Variants in RAD21 observed in about 807,000 individuals in gnomAD.
The protein encoded by RAD21 is RAD21 cohesin complex component.
In RAD21, 18 loss-of-function variants were observed where a neutral mutation model predicts 71.5. The ratio of observed to expected loss-of-function variants is 0.25; its 90% CI spans 0.17 to 0.37. The LOEUF is 0.37. Ranked by LOEUF, RAD21 falls within the 10% of genes least tolerant of loss-of-function variation. The pLI is 1.00. For synonymous variants in RAD21, 248 were observed against 254.0 expected (o/e 0.98, Z 0.22); for missense variants, 493 against 769.1 (o/e 0.64, Z 4.25).
At position 116,848,955 on chromosome 8, in the gene RAD21, A is replaced by C. The variant is rs749146705; in HGVS notation, c.1695T>G (p.His565Gln). ...RWNKRTQQML[H>Q]GLQRALAKTG... ...ACAACAGCGGCAATACCTGAAGACC[A>C]TGAAGCATCTGCTGAGTCCTTTTGT... Residue 565 changes from histidine to glutamine, a missense_variant, in exon 13 of 14, where the codon CAT becomes CAG. Coordinates refer to ENST00000297338, the MANE Select transcript of RAD21 (RefSeq NM_006265.3). 1 of 1,608,746 alleles carries C rather than the reference A, an allele frequency of 6.2e-7. No homozygotes were observed. The highest frequency in any genetic ancestry group is 1.1e-5 in the South Asian group (1 of 90,280).
At chr8:116,870,106 C>T (rs769487456) in intron 1 of RAD21, among the ~76,000 whole-genome samples, 8 of 152,148 alleles carry the variant, frequency 5.3e-5, no homozygotes, top group Admixed American at 1.3e-4. Context: ...AATTCTCATT[C>T]TCTGAATCTA....
intron 1 of RAD21, among the ~76,000 whole-genome samples, chr8:116,872,950 G>A (rs894895489): frequency 5.3e-5 from 8 of 152,268 alleles, no homozygotes; most frequent in African/African-American, 1.9e-4. Flanking sequence ...TTGTAACGGT[G>A]AATAAGTTAC....
rs35902828 is a variant in RAD21 at position 116,856,292 on chromosome 8, TAAAAAAAAAAAAA to T, written c.815-17_815-5del. ...TCAGGACTATCAGGCCCACCCACTG[TAAAAAAAAAAAAA>T]AAAAAAAAAAGTCACAAAAAGCTTT... On this transcript the variant is annotated splice_polypyrimidine_tract_variant and splice_region_variant and intron_variant, in intron 7 of 13. Coordinates refer to ENST00000297338, the MANE Select transcript of RAD21 (RefSeq NM_006265.3). 1.8e-4 allele frequency: 208 copies of T among 1,175,592 alleles called. No individual in the cohort carries two copies. Among genetic ancestry groups the T allele is most frequent in the Non-Finnish European group, 2.1e-4 (203 of 952,826 alleles). 72.8% of individuals were successfully genotyped at this position (1,175,592 alleles called of 1,614,324 possible). A position where few individuals can be genotyped will look rare whatever the true frequency, so the allele number is the denominator to read the frequency against.
At chr8:116,861,770 T>C in intron 4 of RAD21, 71 bp downstream of exon 4, 3 of 1,087,994 alleles carry the variant, frequency 2.8e-6, no homozygotes, top group Non-Finnish European at 4.2e-6. Flanking sequence ...AGGAAAACTA[T>C]ACATTTGGAA....
chr8:116,873,178 T>C (rs1812870089), intron 1 of RAD21, among the ~76,000 whole-genome samples: 1 of 152,212 alleles, frequency 6.6e-6, no homozygotes, highest in Non-Finnish European at 1.5e-5. Flanking sequence ...AAAATTTCCA[T>C]TCTGTACCAA....
chr8:116,859,516 T>C (rs1026049654), intron 4 of RAD21, among the ~76,000 whole-genome samples: 5 of 152,094 alleles, frequency 3.3e-5, no homozygotes, highest in Non-Finnish European at 7.4e-5. Context: ...ACTGGGATCA[T>C]AGGTGTGAAC....
chr8:116,853,218 A>G (rs1438344440), intron 9 of RAD21, among the ~76,000 whole-genome samples: 3 of 152,082 alleles, frequency 2.0e-5, no homozygotes, highest in Non-Finnish European at 4.4e-5. Flanking sequence ...AGCTGGGATT[A>G]CAGGTGTGTA....
intron 3 of RAD21, among the ~76,000 whole-genome samples, chr8:116,862,161 T>G (rs1158162441): frequency 6.6e-6 from 1 of 152,168 alleles, no homozygotes; most frequent in Non-Finnish European, 1.5e-5. Context: ...ATTAAGCTCA[T>G]AAATGTTTAA....
chr8:116,851,777 T>C (rs1038565748), intron 11 of RAD21, 171 bp downstream of exon 11: 19 of 557,440 alleles, frequency 3.4e-5, no homozygotes, highest in Non-Finnish European at 5.1e-5. Flanking sequence ...CCAGAACATA[T>C]TCTCTCACTC....
chr8:116,847,665 T>G lies in RAD21; in HGVS notation c.1731A>C (p.Glu577Asp). The G allele has an allele frequency of 6.2e-7, 1 of 1,613,726 alleles. No homozygotes were observed. The highest frequency in any genetic ancestry group is 1.1e-5 in the South Asian group (1 of 91,004). Residue 577 changes from glutamate (E) to aspartate (D), a missense_variant, in exon 14 of 14, where the codon GAA becomes GAC. By Grantham distance (45) the Glu-to-Asp change is conservative. Coordinates refer to ENST00000297338, the MANE Select transcript of RAD21 (RefSeq NM_006265.3). ...GACATAACTCAAGCAAACTGATAGATTCAGCTCCAGTTTTAGCAAGAGCAC... is the reference window on the plus strand; with the variant it reads ...GACATAACTCAAGCAAACTGATAGAGTCAGCTCCAGTTTTAGCAAGAGCAC... ...LQRALAKTGA[E>D]SISLLELCRN...
chr8:116,856,766 T>C lies in RAD21; in HGVS notation c.694A>G (p.Lys232Glu). The change falls in exon 7 of 14, where the codon AAA becomes GAA. Residue 232 changes from lysine to glutamate, a missense_variant. By Grantham distance (56) the Lys-to-Glu change is moderately conservative. Around this residue, in one of 5 missense-constraint regions of RAD21, gnomAD observed 165 missense variants for 229.6 expected, o/e 0.72. Coordinates refer to ENST00000297338, the MANE Select transcript of RAD21 (RefSeq NM_006265.3). The part of the protein sequence containing the change: ...EGNDGGILDD[K>E]LISNNDGGIF... ...CCGCCATCATTATTACTAATAAGTT[T>C]GTCATCTGAAATAGGGAATGTAAGT... 6.6e-7 allele frequency: 1 copy of C among 1,522,326 alleles called. No individual in the cohort carries two copies. Among genetic ancestry groups the C allele is most frequent in the African/African-American group, 1.4e-5 (1 of 71,372 alleles). 94.3% of individuals were successfully genotyped at this position (1,522,326 alleles called of 1,614,324 possible).
At chr8:116,855,749 G>A (rs1330563779) in intron 8 of RAD21, among the ~76,000 whole-genome samples, 6 of 151,748 alleles carry the variant, frequency 4.0e-5, no homozygotes, top group African/African-American at 1.5e-4. Flanking sequence ...TTTCCAGCTC[G>A]TAGACCAACT....
intron 1 of RAD21, 80 bp downstream of exon 1, chr8:116,874,531 G>C (rs945516695): frequency 1.0e-4 from 28 of 272,280 alleles, no homozygotes; most frequent in Admixed American, 1.7e-4. Context: ...CCAGGAGTCC[G>C]GCTCCCCGAC....
intron 2 of RAD21, among the ~76,000 whole-genome samples, chr8:116,865,738 C>T (rs1461751261): frequency 6.6e-6 from 1 of 152,080 alleles, no homozygotes; most frequent in Non-Finnish European, 1.5e-5. Flanking sequence ...TTCCTGTGTA[C>T]ATGTACACAA....
In RAD21 at chr8:116,852,724, AAAAG is replaced by A. The variant is rs769721453; in HGVS notation, c.1162-20_1162-17del. ...GTGTAAAGAGCTATTAAAAAAAAAA[AAAAG>A]AAAAATTTCAATTATAAAATAAATC... On this transcript the variant is annotated splice_polypyrimidine_tract_variant and intron_variant, in intron 9 of 13. Coordinates refer to ENST00000297338, the MANE Select transcript of RAD21 (RefSeq NM_006265.3). 5 of 1,475,848 alleles carry A rather than the reference AAAAG, an allele frequency of 3.4e-6. No individual in the cohort carries two copies. Among genetic ancestry groups the A allele is most frequent in the Non-Finnish European group, 3.6e-6 (4 of 1,114,078 alleles). The allele number at this position is 1,475,848 out of a possible 1,614,324, so 91.4% of individuals were successfully genotyped here.
At chr8:116,852,155 A>T in intron 10 of RAD21, 59 bp from the exon 11 acceptor site, 1 of 1,420,264 alleles carries the variant, frequency 7.0e-7, no homozygotes, top group Non-Finnish European at 9.5e-7. Context: ...AGTATTATAG[A>T]ACCATTTATT....
chr8:116,856,269 A>G lies in RAD21; in HGVS notation c.834T>C (p.Pro278=). The change falls in exon 8 of 14, where the codon CCT becomes CCC. Residue 278 remains proline (P), a synonymous_variant. Coordinates refer to ENST00000297338, the MANE Select transcript of RAD21 (RefSeq NM_006265.3). The part of the protein sequence containing the change: ...DNVSMGGPDS[P]DSVDPVEPMP... Reference sequence around the variant, plus strand: ...TTGGTTCAACGGGATCCACTGAATCAGGACTATCAGGCCCACCCACTGTAA... The same window carrying G: ...TTGGTTCAACGGGATCCACTGAATCGGGACTATCAGGCCCACCCACTGTAA... 1 of 1,551,976 alleles carries G rather than the reference A, an allele frequency of 6.4e-7. No individual in the cohort carries two copies.
At position 116,847,228 on chromosome 8, in the gene RAD21, T is replaced by C; in HGVS notation, c.*272A>G. ...TCAACATTATTACATGCACCAATATTGCACACATCTGTTCTGAACTGTTAA... is the reference window on the plus strand; with the variant it reads ...TCAACATTATTACATGCACCAATATCGCACACATCTGTTCTGAACTGTTAA... On this transcript the variant is annotated 3_prime_UTR_variant, in exon 14 of 14. Coordinates refer to ENST00000297338, the MANE Select transcript of RAD21 (RefSeq NM_006265.3). 3.0e-6 allele frequency: 1 copy of C among 334,286 alleles called. No homozygotes were observed. Among genetic ancestry groups the C allele is most frequent in the East Asian group, 4.4e-5 (1 of 22,772 alleles). The allele number at this position is 334,286 out of a possible 1,614,324, so 20.7% of individuals were successfully genotyped here.
chr8:116,862,829 T>G (rs566977073), intron 3 of RAD21, among the ~76,000 whole-genome samples: 5 of 152,254 alleles, frequency 3.3e-5, no homozygotes, highest in Admixed American at 2.6e-4. Flanking sequence ...GTTTCCAACA[T>G]TTTAACCTCT....
Sources: gnomAD v4.1 joint callset for allele counts (sites outside exome capture counted in the v4.1 genomes callset) on GRCh38, gnomAD v4.1.1 for gene constraint, gnomAD v4.1.1 regional missense constraint, MANE v1.5 for transcripts, NCBI Gene and HGNC (gene_info 2026-07-23, HGNC 2026-07-21) for gene names.